Variants in GRM8 observed in about 807,000 individuals in gnomAD.
GRM8 encodes the protein glutamate metabotropic receptor 8, also known as metabotropic glutamate receptor 8.
A neutral mutation model predicts 87.2 loss-of-function variants in GRM8; 47 were observed. The observed-to-expected ratio is 0.54, with a 90% CI of 0.43 to 0.69. The LOEUF (loss-of-function observed/expected upper bound fraction) is 0.69. Among genes scored for constraint, GRM8 ranks in the 30% least tolerant of loss-of-function variants. The pLI is 0.00. For missense variants in GRM8, 1,019 were observed against 1,139.2 expected (o/e 0.89, Z 1.52); for synonymous variants, 396 against 404.5 (o/e 0.98, Z 0.25).
intron 3 of GRM8, among the ~76,000 whole-genome samples, chr7:127,025,030 C>T (rs1302542681): frequency 6.6e-6 from 1 of 152,062 alleles, no homozygotes; most frequent in Admixed American, 6.6e-5. Context: ...TTTCCCCTAA[C>T]AGTGCTATGT....
intron 9 of GRM8, among the ~76,000 whole-genome samples, chr7:126,462,768 G>A (rs935470749): frequency 1.3e-5 from 2 of 151,566 alleles, no homozygotes; most frequent in Admixed American, 6.6e-5. Context: ...GAAATATTGA[G>A]TATTCTTTCT....
intron 6 of GRM8, among the ~76,000 whole-genome samples, chr7:126,800,588 G>C (rs1479724183): frequency 6.6e-6 from 1 of 152,068 alleles, no homozygotes; most frequent in African/African-American, 2.4e-5. Flanking sequence ...TCCCAACTGT[G>C]CCACTTGGAG....
chr7:126,915,798 G>A (rs966095423), intron 3 of GRM8, among the ~76,000 whole-genome samples: 1 of 152,138 alleles, frequency 6.6e-6, no homozygotes, highest in African/African-American at 2.4e-5. Flanking sequence ...CAGTCCAGAG[G>A]TATCTATGGA....
At chr7:127,029,890 A>G (rs527506973) in intron 3 of GRM8, among the ~76,000 whole-genome samples, 1 of 152,082 alleles carries the variant, frequency 6.6e-6, no homozygotes, top group Non-Finnish European at 1.5e-5. Context: ...AATTGATCAA[A>G]AAGTACAGAG....
intron 2 of GRM8, among the ~76,000 whole-genome samples, chr7:127,173,053 A>G (rs546011227): frequency 6.6e-6 from 1 of 152,350 alleles, no homozygotes; most frequent in South Asian, 2.1e-4. Context: ...CATTCAACAA[A>G]TAACTATTAA....
At chr7:126,618,754 C>G (rs940716240) in intron 7 of GRM8, among the ~76,000 whole-genome samples, 1 of 152,116 alleles carries the variant, frequency 6.6e-6, no homozygotes, top group Non-Finnish European at 1.5e-5. Context: ...ATTTATGCAG[C>G]CAACAGACAC....
chr7:126,617,740 A>G (rs548917096), intron 7 of GRM8, among the ~76,000 whole-genome samples: 3,535 of 152,286 alleles, frequency 0.023, 116 homozygotes, highest in African/African-American at 0.081. Flanking sequence ...ATAACAGACA[A>G]ACAGAGAGCC....
chr7:126,989,574 C>T (rs937796891), intron 3 of GRM8, among the ~76,000 whole-genome samples: 3 of 152,172 alleles, frequency 2.0e-5, no homozygotes, highest in Admixed American at 6.5e-5. Context: ...TTCTTGCCAT[C>T]CTCTCACCCT....
chr7:126,932,941 T>A (rs536709552), intron 3 of GRM8, among the ~76,000 whole-genome samples: 1 of 152,068 alleles, frequency 6.6e-6, no homozygotes, highest in African/African-American at 2.4e-5. Flanking sequence ...GGTTGTGGAG[T>A]TATATCATAT....
chr7:127,140,599 G>A (rs1353512081), intron 2 of GRM8, among the ~76,000 whole-genome samples: 2 of 152,118 alleles, frequency 1.3e-5, no homozygotes, highest in African/African-American at 4.8e-5. Flanking sequence ...TGGAGTATGA[G>A]GGGCCCACTT....
intron 2 of GRM8, among the ~76,000 whole-genome samples, chr7:127,109,269 C>A (rs1008620925): frequency 1.3e-5 from 2 of 152,086 alleles, no homozygotes; most frequent in Non-Finnish European, 2.9e-5. Context: ...AGAAGAAAAG[C>A]ATCCCAAGAA....
chr7:126,730,566 T>C (rs960341774), intron 7 of GRM8, among the ~76,000 whole-genome samples: 1 of 152,106 alleles, frequency 6.6e-6, no homozygotes, highest in Non-Finnish European at 1.5e-5. Flanking sequence ...GTGGAACTGT[T>C]GAGAACTTTG....
At chr7:126,737,621 A>G (rs1341196045) in intron 7 of GRM8, among the ~76,000 whole-genome samples, 1 of 151,996 alleles carries the variant, frequency 6.6e-6, no homozygotes, top group African/African-American at 2.4e-5. Context: ...CTGAAAATTC[A>G]CTAGTATGTA....
chr7:127,058,279 T>G, intron 3 of GRM8: 1 of 380,018 alleles, frequency 2.6e-6, no homozygotes, highest in Non-Finnish European at 5.1e-6. Context: ...AACACACTCC[T>G]GGTTGGTAGG....
intron 3 of GRM8, among the ~76,000 whole-genome samples, chr7:126,986,019 A>AT (rs545991551): frequency 3.3e-3 from 482 of 147,014 alleles, no homozygotes; most frequent in Non-Finnish European, 5.0e-3. Flanking sequence ...AATTCAAGTC[A>AT]TTTTTTTTTT....
chr7:126,629,773 T>C (rs1801070541), intron 7 of GRM8, among the ~76,000 whole-genome samples: 1 of 152,170 alleles, frequency 6.6e-6, no homozygotes, highest in African/African-American at 2.4e-5. Flanking sequence ...TCTATGTTAC[T>C]ATGGTGATTT....
At chr7:126,823,427 T>C (rs889582911) in intron 6 of GRM8, among the ~76,000 whole-genome samples, 4 of 152,198 alleles carry the variant, frequency 2.6e-5, no homozygotes, top group African/African-American at 4.8e-5. Flanking sequence ...GGCAGAGTAT[T>C]AGTTGTCCCT....
intron 7 of GRM8, among the ~76,000 whole-genome samples, chr7:126,627,808 T>C (rs1359771620): frequency 6.6e-6 from 1 of 152,198 alleles, no homozygotes; most frequent in South Asian, 2.1e-4. Context: ...ATGAATTATA[T>C]TTCTATATTT....
chr7:126,635,497 G>A (rs1801766329), intron 7 of GRM8, among the ~76,000 whole-genome samples: 1 of 152,048 alleles, frequency 6.6e-6, no homozygotes, highest in African/African-American at 2.4e-5. Context: ...ACTTTATAGA[G>A]TTTTAATGCA....
Sources: allele counts gnomAD v4.1 joint callset (sites outside exome capture counted in the v4.1 genomes callset), GRCh38; gene constraint gnomAD v4.1.1; transcripts MANE v1.5; gene names NCBI Gene and HGNC (gene_info 2026-07-23, HGNC 2026-07-21).